Variants in CSMD1 observed in about 807,000 individuals in gnomAD.
The protein encoded by CSMD1 is CUB and sushi domain-containing protein 1.
CSMD1 carries 213 observed loss-of-function variants against 417.5 expected under a neutral mutation model. The observed-to-expected ratio is 0.51, with a 90% confidence interval of 0.46 to 0.57. CSMD1 has a LOEUF of 0.57. Ranked by LOEUF, CSMD1 falls within the 20% of genes least tolerant of loss-of-function variation. The pLI is 0.00. For synonymous variants in CSMD1, 2,862 were observed against 1,736.8 expected (o/e 1.65, Z -16.11); for missense variants, 6,923 against 4,529.7 (o/e 1.53, Z -15.17).
At chr8:3,735,200 G>T (rs1482031383) in intron 6 of CSMD1, among the ~76,000 whole-genome samples, 1 of 152,172 alleles carries the variant, frequency 6.6e-6, no homozygotes, top group Admixed American at 6.5e-5. Context: ...TAACGGGCAA[G>T]TTGCCCCTGG....
intron 3 of CSMD1, among the ~76,000 whole-genome samples, chr8:4,062,752 G>C (rs1023133822): frequency 1.3e-5 from 2 of 151,002 alleles, no homozygotes; most frequent in African/African-American, 4.9e-5. Context: ...AAAAAAGGCA[G>C]GTTCTGCATG....
chr8:4,692,582 A>G (rs1353657455), intron 1 of CSMD1, among the ~76,000 whole-genome samples: 2 of 152,166 alleles, frequency 1.3e-5, no homozygotes, highest in African/African-American at 4.8e-5. Flanking sequence ...GCCATGGGTG[A>G]GAGCGTTTCC....
chr8:4,223,774 C>G lies in CSMD1; in HGVS notation c.416-191675G>C, dbSNP rs965613341. 3.3e-5 allele frequency among the ~76,000 whole-genome samples: 5 copies of G among 152,288 alleles called. No individual in the cohort carries two copies. The South Asian group carries it at 6.2e-4, about 19-fold the overall frequency. ...ATATTTCTAGCAAAGGTGACCTAGT[C>G]TGATGCAAATTAAAAAGCCCCTTGG... On this transcript the variant is annotated intron_variant, in intron 3 of 69. Coordinates refer to ENST00000635120, the MANE Select transcript of CSMD1 (RefSeq NM_033225.6).
At chr8:3,699,912 C>T (rs1800758642) in intron 7 of CSMD1, among the ~76,000 whole-genome samples, 1 of 151,338 alleles carries the variant, frequency 6.6e-6, no homozygotes, top group Non-Finnish European at 1.5e-5. Flanking sequence ...CCCATAACTA[C>T]ATCCCTGGGT....
At chr8:3,179,225 G>T (rs761169595) in intron 37 of CSMD1, among the ~76,000 whole-genome samples, 1 of 152,048 alleles carries the variant, frequency 6.6e-6, no homozygotes, top group Non-Finnish European at 1.5e-5. Flanking sequence ...GATTACAGGC[G>T]TGAGCCACCG....
chr8:4,158,664 G>T (rs769404424), intron 3 of CSMD1, among the ~76,000 whole-genome samples: 2 of 152,086 alleles, frequency 1.3e-5, no homozygotes, highest in Non-Finnish European at 2.9e-5. Context: ...GATCAACGCC[G>T]TAATAATGAG....
At chr8:3,367,378 G>C (rs1275832718) in intron 19 of CSMD1, 131 bp from the exon 20 acceptor site, 11 of 639,096 alleles carry the variant, frequency 1.7e-5, no homozygotes, top group Non-Finnish European at 3.0e-5. Context: ...GAGAAAATAA[G>C]AGGGGAAGAC....
chr8:4,344,577 T>C (rs1306837324), intron 3 of CSMD1, among the ~76,000 whole-genome samples: 1 of 151,152 alleles, frequency 6.6e-6, no homozygotes, highest in Non-Finnish European at 1.5e-5. Context: ...TATATAAGTA[T>C]ATATATGACA....
chr8:4,454,567 A>G (rs1585104147), intron 2 of CSMD1, among the ~76,000 whole-genome samples: 1 of 152,270 alleles, frequency 6.6e-6, no homozygotes, highest in East Asian at 1.9e-4. Flanking sequence ...CACAGAGTAG[A>G]CCCAATGCAG....
intron 2 of CSMD1, among the ~76,000 whole-genome samples, chr8:4,568,557 A>C (rs533411986): frequency 6.6e-6 from 1 of 152,016 alleles, no homozygotes; most frequent in Non-Finnish European, 1.5e-5. Flanking sequence ...GTTTTTCTAT[A>C]CTAAATGGTG....
At chr8:4,223,385 G>T (rs532059369) in intron 3 of CSMD1, among the ~76,000 whole-genome samples, 1 of 152,244 alleles carries the variant, frequency 6.6e-6, no homozygotes, top group South Asian at 2.1e-4. Flanking sequence ...AGTAAATTCA[G>T]CTGCCGCCAA....
intron 23 of CSMD1, among the ~76,000 whole-genome samples, chr8:3,319,953 G>A (rs745428421): frequency 6.6e-6 from 1 of 151,950 alleles, no homozygotes; most frequent in Non-Finnish European, 1.5e-5. Context: ...TTAATTTATT[G>A]TTATCACCTT....
At chr8:4,159,658 G>C (rs898873828) in intron 3 of CSMD1, among the ~76,000 whole-genome samples, 1 of 152,052 alleles carries the variant, frequency 6.6e-6, no homozygotes, top group Non-Finnish European at 1.5e-5. Flanking sequence ...GCGCGATCTC[G>C]GCTCACTGCA....
At chr8:4,967,464 G>C (rs1050069171) in intron 1 of CSMD1, among the ~76,000 whole-genome samples, 1 of 152,144 alleles carries the variant, frequency 6.6e-6, no homozygotes, top group African/African-American at 2.4e-5. Context: ...TCTATTACCA[G>C]TGAATATATT....
intron 3 of CSMD1, among the ~76,000 whole-genome samples, chr8:4,040,542 A>C (rs1797833027): frequency 6.6e-6 from 1 of 152,220 alleles, no homozygotes; most frequent in Non-Finnish European, 1.5e-5. Context: ...GGTGATGATA[A>C]AGTGTGATTA....
intron 11 of CSMD1, among the ~76,000 whole-genome samples, chr8:3,475,291 T>G (rs1459295099): frequency 2.0e-5 from 3 of 152,178 alleles, no homozygotes; most frequent in Non-Finnish European, 4.4e-5. Flanking sequence ...GCTCTCTGGG[T>G]GCAATTTTAT....
At chr8:3,959,294 T>C (rs911278428) in intron 5 of CSMD1, among the ~76,000 whole-genome samples, 3 of 152,134 alleles carry the variant, frequency 2.0e-5, no homozygotes, top group Non-Finnish European at 4.4e-5. Flanking sequence ...GCCAGAAATG[T>C]GGGATCAGCC....
chr8:3,778,973 T>C (rs1375797043), intron 5 of CSMD1, among the ~76,000 whole-genome samples: 1 of 152,156 alleles, frequency 6.6e-6, no homozygotes, highest in Non-Finnish European at 1.5e-5. Flanking sequence ...TTGTGTTCTT[T>C]TCATTTGCAG....
Position 2,963,276 on chromosome 8 carries a change from T to C in CSMD1, c.9400A>G (p.Ile3134Val). ...ACCCCGCGACCTTCACAGGAGAGGA[T>C]GGCGGAGTGAGAGAGCTGGTAACCG... ...MDGYQLSHSAILSCEGRGVWK... is the reference protein window; with the variant it reads ...MDGYQLSHSAVLSCEGRGVWK... Residue 3134 changes from isoleucine to valine, a missense_variant, in exon 60 of 70, where the codon ATC (isoleucine) becomes GTC (valine). Physicochemically the swap from Ile to Val is conservative, Grantham distance 29 (BLOSUM62 3). Coordinates refer to ENST00000635120, the MANE Select transcript of CSMD1 (RefSeq NM_033225.6). The C allele has an allele frequency of 6.2e-7, 1 of 1,613,930 alleles. No homozygotes were observed. The highest frequency in any genetic ancestry group is 8.5e-7 in the Non-Finnish European group (1 of 1,179,864).
Sources: allele counts gnomAD v4.1 joint callset (sites outside exome capture counted in the v4.1 genomes callset), GRCh38; gene constraint gnomAD v4.1.1; transcripts MANE v1.5; gene names NCBI Gene and HGNC (gene_info 2026-07-23, HGNC 2026-07-21).